Variants in BMP7 observed in about 807,000 individuals in gnomAD.
The protein encoded by BMP7 is osteogenic protein 1.
In BMP7, 12 loss-of-function variants were observed where a neutral mutation model predicts 41.2. The ratio of observed to expected loss-of-function variants is 0.29; its 90% CI spans 0.19 to 0.47. The LOEUF is 0.47. BMP7 is among the 20% of genes least tolerant of loss of function. The pLI is 0.99. For missense variants in BMP7, 467 were observed against 606.0 expected (o/e 0.77, Z 2.41); for synonymous variants, 248 against 250.0 (o/e 0.99, Z 0.07).
chr20:57,232,893 ACACAC>A (rs2066034500), intron 1 of BMP7, among the ~76,000 whole-genome samples: 2 of 150,142 alleles, frequency 1.3e-5, no homozygotes, highest in African/African-American at 4.9e-5. Flanking sequence ...ACACACACAC[ACACAC>A]AAATAAGCAG....
intron 1 of BMP7, among the ~76,000 whole-genome samples, chr20:57,247,498 T>C (rs530197406): frequency 6.6e-6 from 1 of 152,264 alleles, no homozygotes; most frequent in Admixed American, 6.5e-5. Context: ...CAGAACCACC[T>C]CTCAGCTTCT....
At chr20:57,211,027 C>T (rs559434920) in intron 2 of BMP7, among the ~76,000 whole-genome samples, 25 of 152,178 alleles carry the variant, frequency 1.6e-4, no homozygotes, top group Non-Finnish European at 2.5e-4. Context: ...AGACACAGCC[C>T]CCCACCACCT....
chr20:57,242,840 TA>T, intron 1 of BMP7, among the ~76,000 whole-genome samples: 1 of 151,900 alleles, frequency 6.6e-6, no homozygotes, highest in Non-Finnish European at 1.5e-5. Flanking sequence ...TCGTCTCTAC[TA>T]AAAATACAAA....
intron 2 of BMP7, among the ~76,000 whole-genome samples, chr20:57,209,195 C>T (rs945688750): frequency 4.2e-5 from 6 of 144,368 alleles, no homozygotes; most frequent in African/African-American, 7.6e-5. Flanking sequence ...GTAGCAAGGG[C>T]GAAACTCTGT....
chr20:57,187,912 T>C (rs1045951120), intron 3 of BMP7, among the ~76,000 whole-genome samples: 5 of 152,176 alleles, frequency 3.3e-5, no homozygotes, highest in African/African-American at 1.2e-4. Flanking sequence ...AGGTATGGAA[T>C]CTTCCCCTTT....
At chr20:57,250,749 C>G (rs1432697325) in intron 1 of BMP7, among the ~76,000 whole-genome samples, 1 of 152,168 alleles carries the variant, frequency 6.6e-6, no homozygotes, top group Non-Finnish European at 1.5e-5. Flanking sequence ...GCCTGTGCCC[C>G]CAGCCGGCAA....
At chr20:57,221,535 A>G (rs1158420127) in intron 2 of BMP7, among the ~76,000 whole-genome samples, 1 of 152,208 alleles carries the variant, frequency 6.6e-6, no homozygotes, top group Non-Finnish European at 1.5e-5. Flanking sequence ...GTGTGGGAGC[A>G]GGCACGGTGG....
rs780828195 is a variant in BMP7, at chr20:57,170,988, T to C, written c.1267A>G (p.Met423Val). The C allele has an allele frequency of 1.2e-6, 2 of 1,613,918 alleles. No homozygotes were observed. Among genetic ancestry groups the C allele is most frequent in the Non-Finnish European group, 1.7e-6 (2 of 1,180,012 alleles). Residue 423 changes from methionine to valine, a missense_variant, in exon 7 of 7, where the codon ATG becomes GTG. Physicochemically the swap from Met to Val is conservative, Grantham distance 21 (BLOSUM62 1). Transcript: ENST00000395863. ...SNVILKKYRN[M>V]VVRACGCH Reference sequence around the variant, plus strand: ...TGGCAGCCACAGGCCCGGACCACCATGTTTCTGTATTTCTTCAGGATGACG... The same window carrying C: ...TGGCAGCCACAGGCCCGGACCACCACGTTTCTGTATTTCTTCAGGATGACG...
At chr20:57,191,332 A>G (rs557984091) in intron 3 of BMP7, among the ~76,000 whole-genome samples, 3 of 152,240 alleles carry the variant, frequency 2.0e-5, no homozygotes, top group Admixed American at 6.5e-5. Context: ...TGGGGCCAAC[A>G]GAAGGAAAGT....
At chr20:57,173,887 C>T (rs907007321) in intron 5 of BMP7, among the ~76,000 whole-genome samples, 2 of 152,170 alleles carry the variant, frequency 1.3e-5, no homozygotes, top group South Asian at 2.1e-4. Context: ...ATGCTGGCTC[C>T]GGGTGCACTG....
At chr20:57,227,107 G>A (rs749286939) in intron 2 of BMP7, among the ~76,000 whole-genome samples, 1 of 152,132 alleles carries the variant, frequency 6.6e-6, no homozygotes, top group African/African-American at 2.4e-5. Flanking sequence ...GATTACAGGC[G>A]TGAGCTACCA....
Position 57,215,188 on chromosome 20 carries a change from C to A in BMP7, c.612-12565G>T, listed in dbSNP as rs561972903. Among the ~76,000 whole-genome samples, 1 of 152,314 alleles carries A rather than the reference C, an allele frequency of 6.6e-6. No individual in the cohort carries two copies. The highest frequency in any genetic ancestry group is 2.4e-5 in the African/African-American group (1 of 41,572). ...AGCCCCTGGGCACCTCCATACCCCC[C>A]ACCTTCACAGGCCTGGCTATGGAAC... On this transcript the variant is annotated intron_variant, in intron 2 of 6. Transcript: ENST00000395863. The surrounding 1 kb of genome is among the most constrained non-coding windows in gnomAD (Gnocchi z 4.2).
intron 2 of BMP7, among the ~76,000 whole-genome samples, chr20:57,209,399 C>T (rs550936617): frequency 9.7e-4 from 147 of 151,356 alleles, no homozygotes; most frequent in Non-Finnish European, 1.9e-3. Flanking sequence ...GAGCTGTGAT[C>T]ACGCTATTGC....
At position 57,198,139 on chromosome 20, in the gene BMP7, C is replaced by T. The variant is rs890995659; in HGVS notation, c.760+4336G>A. Among the ~76,000 whole-genome samples, 13 of 140,986 alleles carry T rather than the reference C, an allele frequency of 9.2e-5. No homozygotes were observed. The South Asian group carries it at 1.4e-3, about 15-fold the overall frequency. The allele number at this position is 140,986 out of a possible 152,430, so 92.5% of individuals were successfully genotyped here. On this transcript the variant is annotated intron_variant, in intron 3 of 6. Coordinates refer to ENST00000395863, the MANE Select transcript of BMP7 (RefSeq NM_001719.3). ...CCTCTCCTCTCCCCTCCTCTCCTCT[C>T]GCTCTCCTCTCCCCCTCCTCTCTAT...
At chr20:57,185,859 C>G (rs1205808078) in intron 3 of BMP7, among the ~76,000 whole-genome samples, 1 of 151,558 alleles carries the variant, frequency 6.6e-6, no homozygotes, top group African/African-American at 2.4e-5. Context: ...CAGAGCTTTG[C>G]ATACCCTAAG....
intron 2 of BMP7, among the ~76,000 whole-genome samples, chr20:57,203,407 G>A (rs1041109622): frequency 6.6e-6 from 1 of 152,042 alleles, no homozygotes; most frequent in African/African-American, 2.4e-5. Flanking sequence ...ATGGGTACGT[G>A]GGTGAATGAG....
At chr20:57,175,464 T>C (rs905032495) in intron 4 of BMP7, among the ~76,000 whole-genome samples, 14 of 152,170 alleles carry the variant, frequency 9.2e-5, no homozygotes, top group South Asian at 2.1e-4. Context: ...GGCAAGAGGA[T>C]GCGGGACAGG....
chr20:57,220,397 A>C (rs1205093251), intron 2 of BMP7, among the ~76,000 whole-genome samples: 1 of 152,244 alleles, frequency 6.6e-6, no homozygotes, highest in African/African-American at 2.4e-5. Context: ...ACCAAATTGA[A>C]AAATATTAAT....
chr20:57,248,893 G>C (rs184586866), intron 1 of BMP7, among the ~76,000 whole-genome samples: 6 of 152,060 alleles, frequency 3.9e-5, no homozygotes, highest in Non-Finnish European at 8.8e-5. Flanking sequence ...CCGCCTCCTG[G>C]GTTCACGCCA....
Sources: gnomAD v4.1 joint callset for allele counts (sites outside exome capture counted in the v4.1 genomes callset) on GRCh38, gnomAD v4.1.1 for gene constraint, Gnocchi (gnomAD v3.1) non-coding constraint, MANE v1.5 for transcripts, NCBI Gene and HGNC (gene_info 2026-07-23, HGNC 2026-07-21) for gene names.